The following WIPI1 variants were observed in gnomAD, a reference collection of about 807,000 sequenced individuals.
WIPI1 encodes WD repeat domain phosphoinositide-interacting protein 1.
In WIPI1, 45 loss-of-function variants were observed where a neutral mutation model predicts 55.3. The observed-to-expected ratio is 0.81, with a 90% CI of 0.64 to 1.04. The LOEUF is 1.04. Ranked by LOEUF, WIPI1 falls within the 50% of genes least tolerant of loss-of-function variation. The pLI is 0.00. For missense variants in WIPI1, 445 were observed against 559.0 expected (o/e 0.80, Z 2.06); for synonymous variants, 195 against 217.6 (o/e 0.90, Z 0.92).
chr17:68,426,213 G>C, intron 11 of WIPI1, 38 bp from the exon 12 acceptor site: 2 of 1,293,484 alleles, frequency 1.5e-6, no homozygotes, highest in Non-Finnish European at 2.2e-6. Flanking sequence ...AAGCACTGGG[G>C]ATCTGCTTTT....
chr17:68,421,615 T>C lies in WIPI1; in HGVS notation c.*158A>G, dbSNP rs563259935. 19 of 969,692 alleles carry C rather than the reference T, an allele frequency of 2.0e-5. No homozygotes were observed. The African/African-American group carries it at 2.9e-4, about 15-fold the overall frequency. The allele number at this position is 969,692 out of a possible 1,614,324, so 60.1% of individuals were successfully genotyped here. A position where few individuals can be genotyped will look rare whatever the true frequency, so the allele number is the denominator to read the frequency against. ...GCAACCAGGGTCGTGGGAAGCTTGG[T>C]GAGGAGTTAACCAGGTCCTGTGGTT... is the stretch of plus-strand genomic sequence containing the variant. On this transcript the variant is annotated 3_prime_UTR_variant, in exon 13 of 13. Coordinates refer to ENST00000262139, the MANE Select transcript of WIPI1 (RefSeq NM_017983.7).
At chr17:68,422,647 T>A (rs773719519) in intron 12 of WIPI1, 3 of 145,968 alleles carry the variant, frequency 2.1e-5, no homozygotes, top group Admixed American at 1.5e-4. Flanking sequence ...TAGAATCACT[T>A]GAACCTAGGA....
At chr17:68,425,272 G>T (rs7214022) in intron 12 of WIPI1, among the ~76,000 whole-genome samples, 117,005 of 152,142 alleles carry the variant, frequency 0.77, 45,069 homozygotes, top group African/African-American at 0.81. Context: ...GGCACAATCA[G>T]AGCTCACTGC....
chr17:68,455,446 G>A (rs759842125), intron 1 of WIPI1, among the ~76,000 whole-genome samples: 7 of 151,584 alleles, frequency 4.6e-5, no homozygotes, highest in Non-Finnish European at 1.0e-4. Flanking sequence ...GTAAGGGTTT[G>A]CTGTTTTCAC....
At chr17:68,453,231 GAA>G (rs1481594849) in intron 1 of WIPI1, among the ~76,000 whole-genome samples, 10 of 152,246 alleles carry the variant, frequency 6.6e-5, no homozygotes, top group Non-Finnish European at 1.2e-4. Flanking sequence ...CAAGGGGCAT[GAA>G]ACTGCATGAG....
chr17:68,424,701 C>A (rs1438352093), intron 12 of WIPI1, among the ~76,000 whole-genome samples: 1 of 152,172 alleles, frequency 6.6e-6, no homozygotes, highest in African/African-American at 2.4e-5. Context: ...CATGGTGAAA[C>A]CCCGTCTCTA....
intron 4 of WIPI1, among the ~76,000 whole-genome samples, chr17:68,444,175 A>G (rs2084191527): frequency 6.6e-6 from 1 of 152,234 alleles, no homozygotes; most frequent in African/African-American, 2.4e-5. Context: ...AATTAGGGGT[A>G]AACACTTTTC....
In WIPI1 at chr17:68,444,237, A is replaced by G. The variant is rs145865387; in HGVS notation, c.430+256T>C. 3.4e-3 allele frequency among the ~76,000 whole-genome samples: 515 copies of G among 152,324 alleles called. 7 individuals are homozygous for G. Among genetic ancestry groups the G allele is most frequent in the African/African-American group, 0.011 (473 of 41,556 alleles). On this transcript the variant is annotated intron_variant, in intron 4 of 12. Coordinates refer to ENST00000262139, the MANE Select transcript of WIPI1 (RefSeq NM_017983.7). ...ATGTCTACCTTACGTGCCTTGACACATTTGCTGATATGGGTCCCAGACAAA... is the reference window on the plus strand; with the variant it reads ...ATGTCTACCTTACGTGCCTTGACACGTTTGCTGATATGGGTCCCAGACAAA...
At chr17:68,444,160 A>G (rs1487206089) in intron 4 of WIPI1, among the ~76,000 whole-genome samples, 1 of 152,210 alleles carries the variant, frequency 6.6e-6, no homozygotes, top group Non-Finnish European at 1.5e-5. Context: ...CGAACCACAA[A>G]AAACAATTAG....
intron 10 of WIPI1, 127 bp downstream of exon 10, chr17:68,428,702 T>C (rs1468636138): frequency 7.1e-6 from 5 of 704,810 alleles, no homozygotes; most frequent in Non-Finnish European, 1.2e-5. Flanking sequence ...CACTAGAGGT[T>C]TGCCACTGAG....
intron 1 of WIPI1, 147 bp from the exon 2 acceptor site, chr17:68,453,139 G>T: frequency 1.7e-6 from 1 of 578,922 alleles, no homozygotes; most frequent in Non-Finnish European, 3.1e-6. Flanking sequence ...TTCCTAAATG[G>T]TGACGCATGT....
At chr17:68,431,389 G>GCATA (rs1300627493) in intron 8 of WIPI1, among the ~76,000 whole-genome samples, 10 of 152,032 alleles carry the variant, frequency 6.6e-5, no homozygotes, top group Non-Finnish European at 1.2e-4. Context: ...GGCACGTGGC[G>GCATA]CATACTGTTT....
intron 2 of WIPI1, among the ~76,000 whole-genome samples, chr17:68,451,357 C>A (rs2084494019): frequency 1.3e-5 from 2 of 152,202 alleles, no homozygotes; most frequent in African/African-American, 4.8e-5. Context: ...TCACCTGAAC[C>A]CAGGAGGAAG....
chr17:68,426,247 A>T lies in WIPI1; in HGVS notation c.1193-72T>A, dbSNP rs3744304. The stretch of plus-strand genomic sequence containing the variant: ...TTATGCCATGACCTGGCGGGTGGGG[A>T]GCGGGGGCTCAAATAAAGGGCAAAG... On this transcript the variant is annotated intron_variant, in intron 11 of 12. Coordinates refer to ENST00000262139, the MANE Select transcript of WIPI1 (RefSeq NM_017983.7). 7.4e-4 allele frequency: 496 copies of T among 667,914 alleles called. 2 individuals carry two copies. Among genetic ancestry groups the T allele is most frequent in the East Asian group, 1.3e-3 (30 of 23,736 alleles). 41.4% of individuals were successfully genotyped at this position (667,914 alleles called of 1,614,324 possible).
In WIPI1 at chr17:68,421,776, T is replaced by C. The variant is rs745337837; in HGVS notation, c.1338A>G (p.Ser446=). 2 of 1,614,256 alleles carry C rather than the reference T, an allele frequency of 1.2e-6. No homozygotes were observed. The highest frequency in any genetic ancestry group is 2.2e-5 in the East Asian group (1 of 44,888). The part of the protein sequence containing the change: ...RGNQKGKTKQ[S] ...GATTTCTGAGGTGTGCTTCTCATCA[T>C]GACTGCTTCGTTTTGCCCTTCTGAT... Residue 446 remains serine, a synonymous_variant, in exon 13 of 13, where the codon TCA becomes TCG. Coordinates refer to ENST00000262139, the MANE Select transcript of WIPI1 (RefSeq NM_017983.7).
intron 2 of WIPI1, 107 bp from the exon 3 acceptor site, chr17:68,451,004 G>T: frequency 7.0e-7 from 1 of 1,422,598 alleles, no homozygotes. Flanking sequence ...AAGGTTCTCC[G>T]GGTCTTGCCG....
chr17:68,456,177 C>T (rs1452887200), intron 1 of WIPI1, among the ~76,000 whole-genome samples: 1 of 152,176 alleles, frequency 6.6e-6, no homozygotes, highest in Non-Finnish European at 1.5e-5. Flanking sequence ...GAAAGTCACT[C>T]AAATAACCAA....
Position 68,437,016 on chromosome 17 carries a change from A to ATGTGTGTGTGTGTGTG in WIPI1, c.431-553_431-538dup, listed in dbSNP as rs71142180. The stretch of plus-strand genomic sequence containing the variant: ...CTCAAAAAAAAAAAAATATATATAT[A>ATGTGTGTGTGTGTGTG]TGTGTGTGTGTGTGTGTGTGTATAT... On this transcript the variant is annotated intron_variant, in intron 4 of 12. Coordinates refer to ENST00000262139, the MANE Select transcript of WIPI1 (RefSeq NM_017983.7). Among the ~76,000 whole-genome samples, 787 of 144,644 alleles carry ATGTGTGTGTGTGTGTG rather than the reference A, an allele frequency of 5.4e-3. 12 individuals are homozygous for ATGTGTGTGTGTGTGTG. The highest frequency in any genetic ancestry group is 0.018 in the African/African-American group (683 of 38,268). The allele number at this position is 144,644 out of a possible 152,430, so 94.9% of individuals were successfully genotyped here.
In WIPI1 at chr17:68,426,086, C is replaced by CA. The variant is rs777038864; in HGVS notation, c.1281dup (p.Glu428Ter). On this transcript the variant is annotated frameshift_variant, in exon 12 of 13. Transcript: ENST00000262139. LOFTEE classifies it high-confidence loss of function. ...TTCCTAATGCTCACAGGAGGAAACT[C>CA]ATTCTCATCATCAAGACACACTGGT... The CA allele has an allele frequency of 6.2e-7, 1 of 1,612,758 alleles. No individual in the cohort carries two copies. Among genetic ancestry groups the CA allele is most frequent in the Non-Finnish European group, 8.5e-7 (1 of 1,180,004 alleles).
Sources: allele counts gnomAD v4.1 joint callset (sites outside exome capture counted in the v4.1 genomes callset), GRCh38; gene constraint gnomAD v4.1.1; transcripts MANE v1.5; gene names NCBI Gene and HGNC (gene_info 2026-07-23, HGNC 2026-07-21).